REEP3: variants seen among roughly 807,000 people sequenced by gnomAD.
REEP3 encodes receptor accessory protein 3.
REEP3 carries 20 observed loss-of-function variants against 41.3 expected under a neutral mutation model. The ratio of observed to expected loss-of-function variants is 0.48; its 90% CI spans 0.34 to 0.70. REEP3 has a LOEUF of 0.70. REEP3 is among the 30% of genes least tolerant of loss of function. The pLI, the probability that REEP3 is intolerant of heterozygous loss-of-function variation, is 0.01. For synonymous variants in REEP3, 104 were observed against 101.8 expected (o/e 1.02, Z -0.13); for missense variants, 271 against 308.8 (o/e 0.88, Z 0.92).
intron 1 of REEP3, among the ~76,000 whole-genome samples, chr10:63,532,522 C>A (rs1456330261): frequency 6.6e-6 from 1 of 151,664 alleles, no homozygotes; most frequent in Non-Finnish European, 1.5e-5. Context: ...ATTATCCGGG[C>A]GTGTTGGCGG....
Position 63,558,577 on chromosome 10 carries a change from A to G in REEP3, c.33-7761A>G, listed in dbSNP as rs1955711842. Among the ~76,000 whole-genome samples, 5 of 152,084 alleles carry G rather than the reference A, an allele frequency of 3.3e-5. No homozygotes were observed. In the South Asian group the frequency reaches 1.0e-3, roughly 32 times the overall value. On this transcript the variant is annotated intron_variant, in intron 1 of 7. Coordinates refer to ENST00000373758, the MANE Select transcript of REEP3 (RefSeq NM_001001330.3). Reference sequence around the variant, plus strand: ...CGAGGCAGACAGATTGCTTGAGACCAGGAGTTTGAGCCCAGCCTGGCCAAC... The same window carrying G: ...CGAGGCAGACAGATTGCTTGAGACCGGGAGTTTGAGCCCAGCCTGGCCAAC...
Position 63,624,796 on chromosome 10 carries a change from A to T in REEP3, c.*3927A>T, listed in dbSNP as rs1204093641. 1 of 152,166 alleles carries T rather than the reference A, an allele frequency of 6.6e-6. No homozygotes were observed. 9.4% of individuals were successfully genotyped at this position (152,166 alleles called of 1,614,324 possible). On this transcript the variant is annotated 3_prime_UTR_variant, in exon 8 of 8. Transcript: ENST00000373758. Reference sequence around the variant, plus strand: ...ATGTTAGAAAGGAAAGATAGGAAAAACAATGAGTACAGAAATCCTCACCAT... The same window carrying T: ...ATGTTAGAAAGGAAAGATAGGAAAATCAATGAGTACAGAAATCCTCACCAT...
At chr10:63,552,779 A>T (rs1476611123) in intron 1 of REEP3, among the ~76,000 whole-genome samples, 1 of 152,214 alleles carries the variant, frequency 6.6e-6, no homozygotes, top group Non-Finnish European at 1.5e-5. Flanking sequence ...TTCATTAGAC[A>T]CAGGGGGCTT....
At chr10:63,578,522 G>A (rs1404219894) in intron 2 of REEP3, among the ~76,000 whole-genome samples, 1 of 152,130 alleles carries the variant, frequency 6.6e-6, no homozygotes. Context: ...CTATATCTCA[G>A]CACTTTGGGA....
intron 1 of REEP3, among the ~76,000 whole-genome samples, chr10:63,558,511 G>C (rs1045192204): frequency 6.6e-6 from 1 of 152,110 alleles, no homozygotes; most frequent in African/African-American, 2.4e-5. Context: ...TGGAGGCCAG[G>C]CACAGTGGTT....
intron 3 of REEP3, among the ~76,000 whole-genome samples, chr10:63,597,586 G>A (rs192703983): frequency 6.6e-6 from 1 of 152,310 alleles, no homozygotes; most frequent in East Asian, 1.9e-4. Flanking sequence ...TTCAAACACA[G>A]TTGTCTCCTG....
rs530430641 is a variant in REEP3, at chr10:63,624,039, G to A, written c.*3170G>A. 1.3e-5 allele frequency: 2 copies of A among 151,796 alleles called. No individual in the cohort carries two copies. The highest frequency in any genetic ancestry group is 3.9e-4 in the East Asian group (2 of 5,172). The allele number at this position is 151,796 out of a possible 1,614,324, so 9.4% of individuals were successfully genotyped here. On this transcript the variant is annotated 3_prime_UTR_variant, in exon 8 of 8. Transcript: ENST00000373758. ...TTTCCAAAAATGCTTGAACTTTTAT[G>A]TTGTTAAGAAATATATAATGATATC...
rs1564477592 is a variant in REEP3, at chr10:63,556,622, T to TTTTTG, written c.33-9713_33-9712insTGTTT. Among the ~76,000 whole-genome samples, 89 of 82,140 alleles carry TTTTTG rather than the reference T, an allele frequency of 1.1e-3. 3 individuals carry two copies. The highest frequency in any genetic ancestry group is 3.7e-3 in the African/African-American group (88 of 23,540). The allele number at this position is 82,140 out of a possible 152,430, so 53.9% of individuals were successfully genotyped here. A position where few individuals can be genotyped will look rare whatever the true frequency, so the allele number is the denominator to read the frequency against. On this transcript the variant is annotated intron_variant, in intron 1 of 7. Transcript: ENST00000373758. ...TTGTTTTCTGTTTGCTTGTTTTTTT[T>TTTTTG]TTTGTTGTTTTGTTTTTTTTTTTTT...
intron 5 of REEP3, among the ~76,000 whole-genome samples, chr10:63,608,026 C>T (rs1197543385): frequency 6.6e-6 from 1 of 152,178 alleles, no homozygotes; most frequent in African/African-American, 2.4e-5. Flanking sequence ...TGTCATTTGT[C>T]ATCTGTGTGG....
At chr10:63,521,795 TGCGGCTGCGACG>T in intron 1 of REEP3, 1 of 313,650 alleles carries the variant, frequency 3.2e-6, no homozygotes, top group Non-Finnish European at 5.8e-6. Context: ...CTGCGGCGAC[TGCGGCTGCGACG>T]GCGGCGGCGG....
At chr10:63,585,833 T>C (rs962916719) in intron 2 of REEP3, among the ~76,000 whole-genome samples, 1 of 152,186 alleles carries the variant, frequency 6.6e-6, no homozygotes, top group Non-Finnish European at 1.5e-5. Context: ...GCAGTGTACC[T>C]CCAACCATAC....
intron 5 of REEP3, among the ~76,000 whole-genome samples, chr10:63,599,505 T>C (rs888568053): frequency 4.6e-5 from 7 of 152,214 alleles, no homozygotes; most frequent in Admixed American, 4.6e-4. Context: ...TAATAAATAA[T>C]ACATACCTGA....
intron 6 of REEP3, 81 bp downstream of exon 6, chr10:63,610,415 G>A (rs1274787862): frequency 3.8e-5 from 52 of 1,360,984 alleles, no homozygotes; most frequent in South Asian, 2.2e-4. Context: ...CTGTCGGGGG[G>A]TGGGGCACAA....
rs1378585858 is a variant in REEP3 at position 63,623,982 on chromosome 10, T to G, written c.*3113T>G. Reference sequence around the variant, plus strand: ...TCTGTGGTTAAATATTTTTTTCTTTTTTTTCCTTTTTTAGAATAACACAGT... The same window carrying G: ...TCTGTGGTTAAATATTTTTTTCTTTGTTTTCCTTTTTTAGAATAACACAGT... On this transcript the variant is annotated 3_prime_UTR_variant, in exon 8 of 8. Transcript: ENST00000373758. The G allele has an allele frequency of 1.3e-5, 2 of 152,384 alleles. No homozygotes were observed. The highest frequency in any genetic ancestry group is 4.8e-5 in the African/African-American group (2 of 41,436). The allele number at this position is 152,384 out of a possible 1,614,324, so 9.4% of individuals were successfully genotyped here.
At chr10:63,545,492 C>T (rs12263348) in intron 1 of REEP3, among the ~76,000 whole-genome samples, 53,075 of 151,246 alleles carry the variant, frequency 0.35, 10,087 homozygotes, top group African/African-American at 0.48. Flanking sequence ...CTTCTGCCTC[C>T]GCCTCCCAAA....
At chr10:63,543,847 A>C (rs1955553391) in intron 1 of REEP3, among the ~76,000 whole-genome samples, 1 of 152,194 alleles carries the variant, frequency 6.6e-6, no homozygotes, top group Non-Finnish European at 1.5e-5. Flanking sequence ...CAAAATGTGT[A>C]CCGTGTGCCT....
chr10:63,612,155 AT>A (rs796638729), intron 6 of REEP3, among the ~76,000 whole-genome samples: 102 of 151,702 alleles, frequency 6.7e-4, no homozygotes, highest in African/African-American at 2.3e-3. Flanking sequence ...TTTTATTTTT[AT>A]TTTTTTGTTT....
At chr10:63,563,306 G>T (rs1419779882) in intron 1 of REEP3, among the ~76,000 whole-genome samples, 3 of 152,164 alleles carry the variant, frequency 2.0e-5, no homozygotes, top group African/African-American at 7.2e-5. Flanking sequence ...AGACAAGGAA[G>T]GACCTAGAAT....
At chr10:63,564,964 G>A (rs1377973892) in intron 1 of REEP3, among the ~76,000 whole-genome samples, 1 of 152,164 alleles carries the variant, frequency 6.6e-6, no homozygotes, top group East Asian at 1.9e-4. Flanking sequence ...TGCAGACATT[G>A]AGAATAATAC....
Sources: allele counts gnomAD v4.1 joint callset (sites outside exome capture counted in the v4.1 genomes callset), GRCh38; gene constraint gnomAD v4.1.1; transcripts MANE v1.5; gene names NCBI Gene and HGNC (gene_info 2026-07-23, HGNC 2026-07-21).